SP140: variants seen among roughly 807,000 people sequenced by gnomAD.
SP140 encodes SP140 nuclear body protein.
A neutral mutation model predicts 125.0 loss-of-function variants in SP140; 81 were observed. The ratio of observed to expected loss-of-function variants is 0.65; its 90% CI spans 0.54 to 0.78. SP140 has a LOEUF of 0.78. Among genes scored for constraint, SP140 ranks in the 30% least tolerant of loss-of-function variants. The probability of loss-of-function intolerance (pLI) is 0.00; values close to 1 mark genes in which losing one functional copy is unlikely to be tolerated. For synonymous variants in SP140, 312 were observed against 354.0 expected, an observed-to-expected ratio of 0.88 and a Z score of 1.33; for missense variants, 858 against 1,037.0, an observed-to-expected ratio of 0.83 and a Z score of 2.37.
intron 1 of SP140, among the ~76,000 whole-genome samples, chr2:230,204,109 A>T (rs772171746): frequency 6.6e-6 from 1 of 152,332 alleles, no homozygotes; most frequent in African/African-American, 2.4e-5. Context: ...AACCTGAAAA[A>T]TTTCATTTAA....
At chr2:230,272,009 A>G (rs2053999465) in intron 15 of SP140, among the ~76,000 whole-genome samples, 1 of 152,254 alleles carries the variant, frequency 6.6e-6, no homozygotes, top group South Asian at 2.1e-4. Context: ...CTAATTAGGG[A>G]GGTGAAAGAT....
At chr2:230,296,234 C>T (rs1409280639) in intron 21 of SP140, among the ~76,000 whole-genome samples, 2 of 152,140 alleles carry the variant, frequency 1.3e-5, no homozygotes, top group African/African-American at 4.8e-5. Flanking sequence ...GAGTGAGACT[C>T]TGTCTCAAAA....
At chr2:230,307,988 TATACACAC>T (rs1212855986) in intron 22 of SP140, among the ~76,000 whole-genome samples, 30 of 74,440 alleles carry the variant, frequency 4.0e-4, no homozygotes, top group East Asian at 2.2e-3. Context: ...TATATATATA[TATACACAC>T]ACACACACAC....
intron 15 of SP140, among the ~76,000 whole-genome samples, chr2:230,280,741 T>C (rs957436586): frequency 2.5e-4 from 38 of 152,284 alleles, no homozygotes; most frequent in African/African-American, 8.7e-4. Context: ...ATTTTGGCTA[T>C]TGTTTAATAT....
chr2:230,273,610 G>A (rs2054258052), intron 15 of SP140, among the ~76,000 whole-genome samples: 1 of 152,026 alleles, frequency 6.6e-6, no homozygotes, highest in Non-Finnish European at 1.5e-5. Context: ...ATACCCAAAG[G>A]AATATAAATC....
At position 230,292,232 on chromosome 2, in the gene SP140, G is replaced by A. The variant is rs187943805; in HGVS notation, c.1826-414G>A. Among the ~76,000 whole-genome samples the A allele has an allele frequency of 4.1e-3, 617 of 152,284 alleles. 2 individuals are homozygous for A. Among genetic ancestry groups the A allele is most frequent in the Non-Finnish European group, 6.9e-3 (468 of 68,008 alleles). Reference sequence around the variant, plus strand: ...AGCCACAGGGCACCCATCTGAGACCGTAGCCCCAAGTTGAGGATTCTGCCT... The same window carrying A: ...AGCCACAGGGCACCCATCTGAGACCATAGCCCCAAGTTGAGGATTCTGCCT... On this transcript the variant is annotated intron_variant, in intron 19 of 26. Transcript: ENST00000392045.
chr2:230,191,740 C>A, the SP140 span, among the ~76,000 whole-genome samples: 4 of 152,142 alleles, frequency 2.6e-5, no homozygotes, highest in Non-Finnish European at 5.9e-5. Flanking sequence ...TGAAACTATT[C>A]CAAACAATTG....
At chr2:230,259,793 T>TATATATATATATAA (rs2051901956) in intron 12 of SP140, among the ~76,000 whole-genome samples, 1 of 112,572 alleles carries the variant, frequency 8.9e-6, no homozygotes, top group Non-Finnish European at 1.9e-5. Context: ...TATATATATA[T>TATATATATATATAA]ATACCACATA....
rs544818617 is a variant in SP140 at position 230,255,941 on chromosome 2, G to A, written c.1240+409G>A. ...GCAAACTGAGTAATCCTATTTTATAGGTGAAGAAATAAAGGTCAGAAATAC... is the reference window on the plus strand; with the variant it reads ...GCAAACTGAGTAATCCTATTTTATAAGTGAAGAAATAAAGGTCAGAAATAC... On this transcript the variant is annotated intron_variant, in intron 12 of 26. Transcript: ENST00000392045. Among the ~76,000 whole-genome samples the A allele has an allele frequency of 7.2e-5, 11 of 152,252 alleles. No individual in the cohort carries two copies. The South Asian group carries it at 1.5e-3, about 20-fold the overall frequency.
At position 230,215,100 on chromosome 2, in the gene SP140, T is replaced by C. The variant is rs2044957822; in HGVS notation, c.-91+1026T>C. ...ACTCTGGATACAGGGATCAAATTTC[T>C]ACAGGCTTCCAGAGATTCCTATAAA... is the stretch of plus-strand genomic sequence containing the variant. On this transcript the variant is annotated intron_variant, in intron 3 of 4. Transcript: ENST00000456542. 6.2e-7 allele frequency: 1 copy of C among 1,613,694 alleles called. No homozygotes were observed. Among genetic ancestry groups the C allele is most frequent in the Admixed American group, 1.7e-5 (1 of 60,000 alleles).
downstream of SP140, among the ~76,000 whole-genome samples, chr2:230,315,128 C>G (rs2059475852): frequency 6.6e-6 from 1 of 152,174 alleles, no homozygotes; most frequent in Non-Finnish European, 1.5e-5. Context: ...GATTGGACAT[C>G]AATGAGCAGA....
upstream of SP140, chr2:230,203,082 A>C (rs1197010218): frequency 3.2e-6 from 1 of 315,456 alleles, no homozygotes; most frequent in Non-Finnish European, 6.0e-6. Context: ...TGTCTTATAA[A>C]GCACCTCTCC....
intron 17 of SP140, 36 bp from the exon 18 acceptor site, chr2:230,287,856 A>G (rs750266432): frequency 2.6e-6 from 4 of 1,565,904 alleles, no homozygotes; most frequent in South Asian, 1.2e-5. Context: ...ACAGCTGCTC[A>G]TAAATGACTG....
At position 230,216,734 on chromosome 2, in the gene SP140, A is replaced by G. The variant is rs371938767; in HGVS notation, c.-91+2660A>G. The G allele has an allele frequency of 3.1e-6, 5 of 1,609,148 alleles. No homozygotes were observed. The African/African-American group carries it at 6.7e-5, about 22-fold the overall frequency. The stretch of plus-strand genomic sequence containing the variant: ...TGGTTTGAGACTTTAATAATCAGGC[A>G]TATTGGTGGGGGCTGGGCTGCCATG... On this transcript the variant is annotated intron_variant, in intron 3 of 4. Transcript: ENST00000456542.
chr2:230,312,561 G>C lies in SP140; in HGVS notation c.2506-25G>C, dbSNP rs777269478. On this transcript the variant is annotated intron_variant, in intron 26 of 26. Coordinates refer to ENST00000392045, the MANE Select transcript of SP140 (RefSeq NM_007237.5). ...CATGACGCTAATGATGAGGAGCATT[G>C]TTTTTGTCTTTATTATTTTTTCAGT... 2.0e-6 allele frequency: 3 copies of C among 1,496,584 alleles called. No individual in the cohort carries two copies. The Admixed American group carries it at 5.1e-5, about 26-fold the overall frequency. 92.7% of individuals were successfully genotyped at this position (1,496,584 alleles called of 1,614,324 possible). A position where few individuals can be genotyped will look rare whatever the true frequency, so the allele number is the denominator to read the frequency against.
chr2:230,200,845 T>C, upstream of SP140: 2 of 1,420,602 alleles, frequency 1.4e-6, no homozygotes, highest in South Asian at 2.3e-5. Context: ...TTTAGATTCC[T>C]GGTGACTGTA....
chr2:230,213,760 G>A (rs2044763212), exon 2 of SP140: 1 of 152,748 alleles, frequency 6.5e-6, no homozygotes, highest in African/African-American at 2.4e-5. Context: ...GATGACTGAA[G>A]CTCAGCCAGG....
At chr2:230,214,477 A>G (rs1010353017) in intron 3 of SP140, among the ~76,000 whole-genome samples, 2 of 152,234 alleles carry the variant, frequency 1.3e-5, no homozygotes, top group Non-Finnish European at 2.9e-5. Context: ...TGTCAGTCAA[A>G]TGGGGTTAAA....
intron 22 of SP140, among the ~76,000 whole-genome samples, chr2:230,308,756 G>A (rs570398737): frequency 8.5e-5 from 13 of 152,364 alleles, no homozygotes; most frequent in South Asian, 8.3e-4. Context: ...TTGATCAGAA[G>A]TGTTGGTAGG....
Sources: gnomAD v4.1 joint callset for allele counts (sites outside exome capture counted in the v4.1 genomes callset) on GRCh38, gnomAD v4.1.1 for gene constraint, MANE v1.5 for transcripts, NCBI Gene and HGNC (gene_info 2026-07-23, HGNC 2026-07-21) for gene names.